Variants in HMGB1 observed in about 807,000 individuals in gnomAD.
The protein encoded by HMGB1 is high mobility group box 1, also known as high mobility group protein B1.
For missense variants in HMGB1, 79 were observed against 253.5 expected (o/e 0.31, Z 4.67); for synonymous variants, 81 against 84.0 (o/e 0.96, Z 0.19).
chr13:30,491,192 C>A (rs1887483315), intron 1 of HMGB1, among the ~76,000 whole-genome samples: 1 of 152,040 alleles, frequency 6.6e-6, no homozygotes, highest in Non-Finnish European at 1.5e-5. Context: ...CCACGCCTGG[C>A]TAATTTTTTG....
At chr13:30,492,646 G>C (rs1887522806) in intron 1 of HMGB1, among the ~76,000 whole-genome samples, 1 of 152,164 alleles carries the variant, frequency 6.6e-6, no homozygotes, top group South Asian at 2.1e-4. Flanking sequence ...TACAACTGCT[G>C]ATAGGAATGT....
At chr13:30,518,425 T>G (rs1171792802) in intron 1 of HMGB1, among the ~76,000 whole-genome samples, 1 of 152,174 alleles carries the variant, frequency 6.6e-6, no homozygotes, top group Non-Finnish European at 1.5e-5. Context: ...CCAATTTAGA[T>G]CAGCCATAAA....
At chr13:30,599,399 C>T (rs764383312) in intron 1 of HMGB1, among the ~76,000 whole-genome samples, 9 of 152,156 alleles carry the variant, frequency 5.9e-5, no homozygotes, top group East Asian at 3.9e-4. Context: ...ACCTGGGAGG[C>T]GGAGGTTGTG....
At chr13:30,616,448 A>G (rs1950563664) in intron 1 of HMGB1, among the ~76,000 whole-genome samples, 1 of 152,238 alleles carries the variant, frequency 6.6e-6, no homozygotes, top group African/African-American at 2.4e-5. Context: ...GTTAATACTC[A>G]GCAAGTTTGT....
chr13:30,497,319 C>T lies in HMGB1; in HGVS notation c.-14-33625G>A, dbSNP rs138214903. On this transcript the variant is annotated intron_variant, in intron 1 of 4. Coordinates refer to the HMGB1 transcript ENST00000405805. The stretch of plus-strand genomic sequence containing the variant: ...TCGGCTCACTGCAACCTCCGCCTTC[C>T]GGGTTCAAGCGATTCTCCTGCCTCA... Among the ~76,000 whole-genome samples, 13 of 152,140 alleles carry T rather than the reference C, an allele frequency of 8.5e-5. No individual in the cohort carries two copies. In the East Asian group the frequency reaches 2.1e-3, roughly 25 times the overall value.
At chr13:30,475,045 CTT>C (rs749159763) in intron 1 of HMGB1, among the ~76,000 whole-genome samples, 4,747 of 54,804 alleles carry the variant, frequency 0.087, 275 homozygotes, top group East Asian at 0.26. Context: ...CTCTCTCTCT[CTT>C]TTTTTTTTTT....
intron 1 of HMGB1, among the ~76,000 whole-genome samples, chr13:30,508,556 C>G (rs1344128646): frequency 6.6e-6 from 1 of 151,480 alleles, no homozygotes; most frequent in African/African-American, 2.4e-5. Context: ...AAAAAGTAGG[C>G]CTTTGAAAAC....
At chr13:30,579,281 C>T (rs1399062908) in intron 1 of HMGB1, among the ~76,000 whole-genome samples, 1 of 152,076 alleles carries the variant, frequency 6.6e-6, no homozygotes, top group Non-Finnish European at 1.5e-5. Flanking sequence ...CGCTATAGGC[C>T]ATGATCCATT....
intron 1 of HMGB1, among the ~76,000 whole-genome samples, chr13:30,582,989 T>C (rs906041543): frequency 2.6e-5 from 4 of 152,050 alleles, no homozygotes; most frequent in Non-Finnish European, 5.9e-5. Flanking sequence ...TCTGAATGAG[T>C]CTTCTTGCTT....
intron 1 of HMGB1, chr13:30,554,349 C>G: frequency 1.2e-6 from 1 of 861,946 alleles, no homozygotes; most frequent in Non-Finnish European, 2.0e-6. Context: ...GGCACCTTCT[C>G]TCTGGTAGAC....
At chr13:30,517,321 T>C (rs1427221304) in intron 1 of HMGB1, among the ~76,000 whole-genome samples, 2 of 152,274 alleles carry the variant, frequency 1.3e-5, no homozygotes, top group East Asian at 1.9e-4. Flanking sequence ...GCAGTTCTTA[T>C]ACCAACCTGC....
intron 1 of HMGB1, among the ~76,000 whole-genome samples, chr13:30,538,808 TC>T (rs1187007446): frequency 6.6e-6 from 1 of 151,040 alleles, no homozygotes; most frequent in Admixed American, 6.6e-5. Flanking sequence ...CCTTTCTCTC[TC>T]TCTCCCCCTT....
intron 1 of HMGB1, among the ~76,000 whole-genome samples, chr13:30,564,500 T>C (rs1282524142): frequency 6.6e-6 from 1 of 151,906 alleles, no homozygotes. Flanking sequence ...AACAAACCGC[T>C]GCCCTGTGCT....
At chr13:30,509,152 G>C (rs937543123) in intron 1 of HMGB1, among the ~76,000 whole-genome samples, 1 of 152,068 alleles carries the variant, frequency 6.6e-6, no homozygotes, top group African/African-American at 2.4e-5. Flanking sequence ...TGCCCAGGCT[G>C]GTCTCTAGCT....
chr13:30,546,927 G>A (rs181753401), intron 1 of HMGB1, among the ~76,000 whole-genome samples: 228 of 152,266 alleles, frequency 1.5e-3, no homozygotes, highest in Non-Finnish European at 1.9e-3. Context: ...ACATTTGTAG[G>A]TGTAGGTTTC....
chr13:30,471,570 G>A (rs1886933602), intron 1 of HMGB1, among the ~76,000 whole-genome samples: 1 of 146,404 alleles, frequency 6.8e-6, no homozygotes, highest in African/African-American at 2.5e-5. Context: ...AGCCAGGCTG[G>A]TCTCGAACTC....
rs556783036 is a variant in HMGB1, at chr13:30,534,702, C to G, written c.-14-71008G>C. 6.6e-5 allele frequency among the ~76,000 whole-genome samples: 10 copies of G among 151,600 alleles called. No individual in the cohort carries two copies. The South Asian group carries it at 1.7e-3, about 25-fold the overall frequency. On this transcript the variant is annotated intron_variant, in intron 1 of 4. Transcript: ENST00000405805. ...AAACTATTCTCCTGCCTCAGCCTCC[C>G]GAGCAGCTGGGATTATGGGCATGTG...
At chr13:30,568,291 GAGCCCAGGAGTTCAAGAAC>G (rs1431212533) in intron 1 of HMGB1, among the ~76,000 whole-genome samples, 3 of 152,152 alleles carry the variant, frequency 2.0e-5, no homozygotes, top group Non-Finnish European at 4.4e-5. Context: ...AGAATCGTTG[GAGCCCAGGAGTTCAAGAAC>G]AGCCCAGGCA....
intron 1 of HMGB1, chr13:30,554,811 A>T: frequency 1.3e-6 from 1 of 761,298 alleles, no homozygotes; most frequent in African/African-American, 1.7e-5. Context: ...GCCAAGATAG[A>T]CACCTAATAT....
Sources: gnomAD v4.1 joint callset for allele counts (sites outside exome capture counted in the v4.1 genomes callset) on GRCh38, gnomAD v4.1.1 for gene constraint, MANE v1.5 for transcripts, NCBI Gene and HGNC (gene_info 2026-07-23, HGNC 2026-07-21) for gene names.